Variants in ASMTL observed in about 807,000 individuals in gnomAD.
The protein encoded by ASMTL is acetylserotonin O-methyltransferase like, also known as probable bifunctional dTTP/UTP pyrophosphatase/methyltransferase protein.
In ASMTL, 57 loss-of-function variants were observed where a neutral mutation model predicts 60.3. The ratio of observed to expected loss-of-function variants is 0.95; its 90% confidence interval spans 0.76 to 1.18. ASMTL has a LOEUF of 1.18. Among genes scored for constraint, ASMTL ranks in the 50% most tolerant of loss-of-function variants. The probability of loss-of-function intolerance (pLI) is 0.00; values close to 1 mark genes in which losing one functional copy is unlikely to be tolerated. For synonymous variants in ASMTL, 419 were observed against 373.0 expected (o/e 1.12, Z -1.42); for missense variants, 981 against 852.6 (o/e 1.15, Z -1.88).
At chrX:1,421,423 G>A (rs2090481564) in intron 9 of ASMTL, among the ~76,000 whole-genome samples, 2 of 152,106 alleles carry the variant, frequency 1.3e-5, no homozygotes, top group African/African-American at 4.8e-5. Flanking sequence ...TTTCTAGGAG[G>A]AAATTCTATT....
chrX:1,408,000 G>A (rs1316437755), intron 12 of ASMTL, among the ~76,000 whole-genome samples: 2 of 151,796 alleles, frequency 1.3e-5, no homozygotes, highest in African/African-American at 4.8e-5. Context: ...AGCCCAGGAA[G>A]GGTAGCCTGG....
intron 12 of ASMTL, chrX:1,403,717 G>A (rs1176089515): frequency 6.3e-5 from 38 of 599,966 alleles, no homozygotes; most frequent in Non-Finnish European, 1.0e-4. Context: ...TGGATAGATG[G>A]ATGCATCACC....
chrX:1,419,921 T>C (rs1251153804), intron 9 of ASMTL, among the ~76,000 whole-genome samples: 1 of 151,398 alleles, frequency 6.6e-6, no homozygotes, highest in African/African-American at 2.5e-5. Flanking sequence ...TCTCTGACTC[T>C]TTCTCCCTTG....
In ASMTL at chrX:1,440,667, C is replaced by T. The variant is rs761680846; in HGVS notation, c.225+1519G>A. ...AGTGTATTACGGTGGGGTGCGGTGG[C>T]TCACGCCTGTAATCCCAACACTCCG... On this transcript the variant is annotated intron_variant, in intron 2 of 12. Coordinates refer to ENST00000381317, the MANE Select transcript of ASMTL (RefSeq NM_004192.4). Among the ~76,000 whole-genome samples the T allele has an allele frequency of 2.0e-5, 3 of 152,198 alleles. No homozygotes were observed. The East Asian group carries it at 5.8e-4, about 29-fold the overall frequency.
chrX:1,433,459 A>T lies in ASMTL; in HGVS notation c.401-1082T>A, dbSNP rs1233078571. 4.8e-5 allele frequency among the ~76,000 whole-genome samples: 7 copies of T among 145,958 alleles called. No homozygotes were observed. The South Asian group carries it at 6.7e-4, about 14-fold the overall frequency. ...GGCGGGCGGATCACAAGGTCAGGAG[A>T]TCGAGACCCTCCTGGCTACCACGGT... On this transcript the variant is annotated intron_variant, in intron 5 of 12. Transcript: ENST00000381317.
At chrX:1,431,646 A>G (rs1470055771) in intron 6 of ASMTL, among the ~76,000 whole-genome samples, 1 of 146,824 alleles carries the variant, frequency 6.8e-6, no homozygotes, top group Non-Finnish European at 1.5e-5. Context: ...TATATTATAT[A>G]ATTTGTATAA....
intron 1 of ASMTL, among the ~76,000 whole-genome samples, chrX:1,447,092 G>C (rs1369129360): frequency 6.6e-6 from 1 of 152,168 alleles, no homozygotes; most frequent in South Asian, 2.1e-4. Flanking sequence ...AACGGGTGCT[G>C]CTTGGAAGGC....
chrX:1,451,349 A>C (rs1402942600), intron 1 of ASMTL, among the ~76,000 whole-genome samples: 15 of 87,410 alleles, frequency 1.7e-4, no homozygotes, highest in Admixed American at 4.7e-4. Flanking sequence ...TCCCCTCCCC[A>C]TTCCTTGGGG....
At chrX:1,417,569 T>C (rs1327460052) in intron 11 of ASMTL, among the ~76,000 whole-genome samples, 1 of 63,720 alleles carries the variant, frequency 1.6e-5, no homozygotes, top group African/African-American at 5.4e-5. Flanking sequence ...GACAGTCATA[T>C]GCACACAGAC....
chrX:1,435,077 A>G lies in ASMTL; in HGVS notation c.345T>C (p.Ser115=). 1 of 1,613,842 alleles carries G rather than the reference A, an allele frequency of 6.2e-7. No homozygotes were observed. Residue 115 remains serine, a synonymous_variant, in exon 5 of 13, where the codon AGT becomes AGC. Coordinates refer to ENST00000381317, the MANE Select transcript of ASMTL (RefSeq NM_004192.4). ...CTGTGAACACGCTGTGTTCTCTCCC[A>G]CTCAACCTGTAAGACAACAACGGGT... ...QDAYRMLSRL[S]GREHSVFTGV...
At chrX:1,453,233 C>T (rs1410331039), upstream of ASMTL, among the ~76,000 whole-genome samples, 3 of 150,392 alleles carry the variant, frequency 2.0e-5, no homozygotes, top group African/African-American at 7.4e-5. Context: ...CGCCATTGAC[C>T]GCTCCGCCAG....
intron 11 of ASMTL, among the ~76,000 whole-genome samples, chrX:1,417,247 C>T (rs1273879421): frequency 2.8e-5 from 4 of 144,692 alleles, no homozygotes; most frequent in African/African-American, 1.1e-4. Flanking sequence ...CAGTCACATA[C>T]ACACACACAC....
chrX:1,420,385 C>T (rs1160447175), intron 9 of ASMTL, among the ~76,000 whole-genome samples: 7 of 152,014 alleles, frequency 4.6e-5, no homozygotes, highest in African/African-American at 1.7e-4. Context: ...ATCTCTCTCT[C>T]TGTGTCTCCC....
At chrX:1,436,117 T>C (rs1362138370) in intron 3 of ASMTL, among the ~76,000 whole-genome samples, 1 of 152,180 alleles carries the variant, frequency 6.6e-6, no homozygotes, top group Admixed American at 6.5e-5. Flanking sequence ...GGCTGGTTTC[T>C]GTCACTGACC....
At chrX:1,430,227 G>C (rs1212505252) in intron 6 of ASMTL, among the ~76,000 whole-genome samples, 14 of 152,038 alleles carry the variant, frequency 9.2e-5, no homozygotes, top group African/African-American at 3.4e-4. Context: ...ATCCAGGCTG[G>C]TCTTGAACTT....
At chrX:1,442,005 T>C (rs1373329069) in intron 2 of ASMTL, 181 bp downstream of exon 2, 5 of 678,756 alleles carry the variant, frequency 7.4e-6, no homozygotes, top group South Asian at 1.9e-5. Context: ...TTCTGTATCA[T>C]TAATGGTATT....
At chrX:1,411,568 TGCGTGCTGTGTGTGTGTGC>T (rs1429845965) in intron 12 of ASMTL, among the ~76,000 whole-genome samples, 1 of 152,048 alleles carries the variant, frequency 6.6e-6, no homozygotes, top group Non-Finnish European at 1.5e-5. Flanking sequence ...GCCGAGATGG[TGCGTGCTGTGTGTGTGTGC>T]ACGTGTGTCT....
At chrX:1,441,795 T>A (rs1348227991) in intron 2 of ASMTL, 1 of 182,298 alleles carries the variant, frequency 5.5e-6, no homozygotes, top group African/African-American at 2.4e-5. Flanking sequence ...GATACTATGA[T>A]ATCAATTGCA....
At chrX:1,419,778 C>T (rs761221432) in intron 9 of ASMTL, among the ~76,000 whole-genome samples, 50 of 152,336 alleles carry the variant, frequency 3.3e-4, no homozygotes, top group African/African-American at 1.1e-3. Context: ...CTCGCGGGGG[C>T]TCCCCGGCCC....
Sources: gnomAD v4.1 joint callset for allele counts (sites outside exome capture counted in the v4.1 genomes callset) on GRCh38, gnomAD v4.1.1 for gene constraint, MANE v1.5 for transcripts, NCBI Gene and HGNC (gene_info 2026-07-23, HGNC 2026-07-21) for gene names.